SYCE1: variants seen among roughly 807,000 people sequenced by gnomAD.
The protein encoded by SYCE1 is synaptonemal complex central element protein 1, also known as cancer/testis antigen 76.
Under a neutral mutation model 55.1 loss-of-function variants are expected in SYCE1, and 37 were observed. The ratio of observed to expected loss-of-function variants is 0.67; its 90% confidence interval spans 0.52 to 0.88. The LOEUF (loss-of-function observed/expected upper bound fraction) is 0.88, where lower values mean the gene tolerates loss of function less well. SYCE1 is among the 40% of genes least tolerant of loss of function. The probability of loss-of-function intolerance (pLI) is 0.00; values close to 1 mark genes in which losing one functional copy is unlikely to be tolerated. For synonymous variants in SYCE1, 163 were observed against 159.4 expected (o/e 1.02, Z -0.17); for missense variants, 399 against 416.4 (o/e 0.96, Z 0.36).
upstream of SYCE1, among the ~76,000 whole-genome samples, chr10:133,566,599 T>TGGGGTTAGG (rs1851940523): frequency 2.1e-5 from 1 of 48,712 alleles, no homozygotes; most frequent in Non-Finnish European, 7.1e-5. Context: ...AGGGTTTTAG[T>TGGGGTTAGG]GTTGGGGTTA....
chr10:133,566,097 C>A (rs1340240977), upstream of SYCE1, among the ~76,000 whole-genome samples: 1 of 152,222 alleles, frequency 6.6e-6, no homozygotes, highest in Admixed American at 6.5e-5. Flanking sequence ...GAGCTCCATG[C>A]CCACAGTGGC....
chr10:133,562,900 C>T (rs1182778359), intron 1 of SYCE1, among the ~76,000 whole-genome samples: 5 of 152,304 alleles, frequency 3.3e-5, no homozygotes, highest in East Asian at 3.9e-4. Context: ...TCCCACCAGG[C>T]CCCAACTCCA....
In SYCE1 at chr10:133,555,696, T is replaced by C; in HGVS notation, c.731A>G (p.Gln244Arg). ...CTCCTCAGCCTTCCTGTGCTCTTCC[T>C]GAAACAGCTGCCTGGGGGGCCCAGT... ...QEAAATVQLF[Q>R]EEHRKAEELL... Residue 244 changes from glutamine (Q) to arginine (R), a missense_variant, in exon 11 of 13, where the codon CAG becomes CGG. By Grantham distance (43) the Gln-to-Arg change is conservative (BLOSUM62 1). Transcript: ENST00000343131. The C allele has an allele frequency of 1.9e-6, 3 of 1,605,536 alleles. No individual in the cohort carries two copies. Among genetic ancestry groups the C allele is most frequent in the Non-Finnish European group, 1.7e-6 (2 of 1,179,928 alleles).
chr10:133,556,212 C>G, intron 8 of SYCE1, 165 bp from the exon 9 acceptor site: 1 of 701,032 alleles, frequency 1.4e-6, no homozygotes, highest in Middle Eastern at 4.1e-4. Context: ...ATGGCACTGG[C>G]CATTCCCTCC....
chr10:133,557,616 G>A (rs1851718290), intron 6 of SYCE1: 1 of 578,102 alleles, frequency 1.7e-6, no homozygotes, highest in African/African-American at 1.9e-5. Context: ...AAGAGTAAAA[G>A]GCAAAAAATA....
intron 1 of SYCE1, among the ~76,000 whole-genome samples, chr10:133,565,105 G>A (rs1225535969): frequency 6.6e-6 from 1 of 152,218 alleles, no homozygotes; most frequent in East Asian, 1.9e-4. Context: ...CTAGGGAGAG[G>A]AAGGTGGAAT....
downstream of SYCE1, chr10:133,554,406 T>C (rs923610396): frequency 1.0e-5 from 13 of 1,296,666 alleles, no homozygotes; most frequent in Non-Finnish European, 1.3e-5. Flanking sequence ...CTCCCACCAT[T>C]GGTCTTGATT....
chr10:133,563,028 G>T (rs144721715), intron 1 of SYCE1, among the ~76,000 whole-genome samples: 2 of 152,248 alleles, frequency 1.3e-5, no homozygotes, highest in Admixed American at 1.3e-4. Context: ...ACCAAAGTTT[G>T]TAACAGTTTT....
At chr10:133,558,385 C>T (rs927682535) in intron 4 of SYCE1, 171 bp from the exon 5 acceptor site, 48 of 700,736 alleles carry the variant, frequency 6.8e-5, no homozygotes, top group African/African-American at 6.4e-4. Context: ...TTGTAAGCAC[C>T]AAAGGGCCTT....
At chr10:133,559,700 G>C (rs1851776868) in intron 2 of SYCE1, 1 of 419,004 alleles carries the variant, frequency 2.4e-6, no homozygotes. Flanking sequence ...ATTTGGGTGG[G>C]GTTGGGAGGT....
At chr10:133,567,953 T>C (rs1263612906), upstream of SYCE1, 2 of 569,360 alleles carry the variant, frequency 3.5e-6, no homozygotes, top group African/African-American at 3.8e-5. Flanking sequence ...GGATGGCGGG[T>C]CCACAGGGGC....
Position 133,556,040 on chromosome 10 carries a change from T to C in SYCE1, c.536A>G (p.Glu179Gly). 2.5e-6 allele frequency: 4 copies of C among 1,613,824 alleles called. No homozygotes were observed. Among genetic ancestry groups the C allele is most frequent in the Non-Finnish European group, 2.5e-6 (3 of 1,180,002 alleles). ...GGCACAAATCTCCTTTGCCAGCCGC[T>C]CTGGCATCTGAGGGGCAGAAAAGAG... ...HKDLWDFHMP[E>G]RLAKEICALD... is the part of the protein sequence containing the mutation. The change falls in exon 9 of 13, where the codon GAG becomes GGG. Residue 179 changes from glutamate to glycine, a missense_variant. By Grantham distance (98) the Glu-to-Gly change is moderately conservative. Coordinates refer to ENST00000343131, the MANE Select transcript of SYCE1 (RefSeq NM_001143764.3).
At chr10:133,562,163 A>G (rs1851827923) in intron 1 of SYCE1, among the ~76,000 whole-genome samples, 1 of 152,132 alleles carries the variant, frequency 6.6e-6, no homozygotes, top group South Asian at 2.1e-4. Flanking sequence ...GAAATAGCAG[A>G]TATTTGTCCT....
At chr10:133,566,648 G>T (rs961880781), upstream of SYCE1, among the ~76,000 whole-genome samples, 1 of 146,932 alleles carries the variant, frequency 6.8e-6, no homozygotes, top group Non-Finnish European at 1.5e-5. Context: ...GGGGATTAGG[G>T]TCAGGGGTGG....
upstream of SYCE1, chr10:133,568,226 G>A: frequency 1.5e-6 from 2 of 1,321,930 alleles, no homozygotes; most frequent in South Asian, 1.2e-5. Context: ...TTGCCTCCGG[G>A]AACCCAGTCC....
Position 133,560,097 on chromosome 10 carries a change from G to C in SYCE1, c.130C>G (p.Gln44Glu), listed in dbSNP as rs1172553752. Residue 44 changes from glutamine (Q) to glutamate (E), a missense_variant, in exon 2 of 13, where the codon CAG becomes GAG. Transcript: ENST00000343131. ...CACAAAGGAGACACACGACCTTTCTGCAGCTTTTGCACCATTTCCATCAAG... is the reference window on the plus strand; with the variant it reads ...CACAAAGGAGACACACGACCTTTCTCCAGCTTTTGCACCATTTCCATCAAG... ...EDLMEMVQKL[Q>E]KVGSLEPRVE... 1 of 1,613,874 alleles carries C rather than the reference G, an allele frequency of 6.2e-7. No homozygotes were observed. The highest frequency in any genetic ancestry group is 1.3e-5 in the African/African-American group (1 of 74,866).
downstream of SYCE1, chr10:133,554,196 A>G: frequency 8.8e-7 from 1 of 1,138,530 alleles, no homozygotes. Context: ...TGCATCTTAG[A>G]GAACTCGTCT....
intron 2 of SYCE1, chr10:133,559,832 G>T: frequency 4.0e-6 from 2 of 504,752 alleles, no homozygotes; most frequent in Non-Finnish European, 7.1e-6. Context: ...GGATCTAATG[G>T]ACTGCAGTGG....
At position 133,562,279 on chromosome 10, in the gene SYCE1, G is replaced by A. The variant is rs1263610911; in HGVS notation, c.74-2126C>T. 1.2e-4 allele frequency among the ~76,000 whole-genome samples: 14 copies of A among 114,648 alleles called. No individual in the cohort carries two copies. The South Asian group carries it at 4.7e-3, about 39-fold the overall frequency. 75.2% of individuals were successfully genotyped at this position (114,648 alleles called of 152,430 possible). ...ACATCCAATGTGTGTGTGTGTGTGT[G>A]TGTGTGTGTGTGTGTGTGTGTGTGT... On this transcript the variant is annotated intron_variant, in intron 1 of 12. Coordinates refer to ENST00000343131, the MANE Select transcript of SYCE1 (RefSeq NM_001143764.3).
Sources: gnomAD v4.1 joint callset for allele counts (sites outside exome capture counted in the v4.1 genomes callset) on GRCh38, gnomAD v4.1.1 for gene constraint, MANE v1.5 for transcripts, NCBI Gene and HGNC (gene_info 2026-07-23, HGNC 2026-07-21) for gene names.